The following KDM4B variants were observed in gnomAD, a reference collection of about 807,000 sequenced individuals.
The protein encoded by KDM4B is lysine demethylase 4B.
A neutral mutation model predicts 125.2 loss-of-function variants in KDM4B; 32 were observed. That is an observed-to-expected ratio of 0.26 (90% CI 0.19 to 0.34). The LOEUF (loss-of-function observed/expected upper bound fraction) is 0.34. Ranked by LOEUF, KDM4B falls within the 10% of genes least tolerant of loss-of-function variation. The pLI, the probability that KDM4B is intolerant of heterozygous loss-of-function variation, is 1.00. For missense variants in KDM4B, 1,190 were observed against 1,577.7 expected, an observed-to-expected ratio of 0.75 and a Z score of 4.16; for synonymous variants, 721 against 677.9, an observed-to-expected ratio of 1.06 and a Z score of -0.99.
intron 6 of KDM4B, among the ~76,000 whole-genome samples, chr19:5,067,098 TC>T (rs751262835): frequency 1.3e-5 from 2 of 152,022 alleles, no homozygotes; most frequent in Non-Finnish European, 2.9e-5. Flanking sequence ...CACCCCTCCC[TC>T]CCGAAGGCTC....
intron 1 of KDM4B, among the ~76,000 whole-genome samples, chr19:4,986,387 G>A (rs1467587984): frequency 6.6e-6 from 1 of 152,188 alleles, no homozygotes; most frequent in African/African-American, 2.4e-5. Context: ...GCCACTGAGC[G>A]CTGGCCGTGG....
intron 6 of KDM4B, among the ~76,000 whole-genome samples, chr19:5,067,146 C>T (rs1188635513): frequency 2.0e-5 from 3 of 152,164 alleles, no homozygotes; most frequent in Non-Finnish European, 4.4e-5. Context: ...TCTTCAGCCC[C>T]CGCCCAGACA....
chr19:5,132,017 G>C lies in KDM4B; in HGVS notation c.1906+10G>C, dbSNP rs751812036. The C allele has an allele frequency of 1.1e-5, 17 of 1,599,672 alleles. No individual in the cohort carries two copies. The South Asian group carries it at 1.9e-4, about 18-fold the overall frequency. ...GCCTCAAGTGACGAGGGTGAGTGGGGGGTCCCCAGGTCGGCTCTCATCAGC... is the reference window on the plus strand; with the variant it reads ...GCCTCAAGTGACGAGGGTGAGTGGGCGGTCCCCAGGTCGGCTCTCATCAGC... On this transcript the variant is annotated intron_variant, in intron 13 of 22. Coordinates refer to ENST00000159111, the MANE Select transcript of KDM4B (RefSeq NM_015015.3).
chr19:5,092,806 C>T (rs1568293673), intron 9 of KDM4B, among the ~76,000 whole-genome samples: 1 of 152,186 alleles, frequency 6.6e-6, no homozygotes, highest in Admixed American at 6.5e-5. Flanking sequence ...TGGAGTTCTC[C>T]CCTCTGCCAT....
At chr19:5,050,477 G>A (rs2037185386) in intron 6 of KDM4B, among the ~76,000 whole-genome samples, 2 of 152,230 alleles carry the variant, frequency 1.3e-5, no homozygotes, top group South Asian at 4.1e-4. Flanking sequence ...GGTGTGGGGA[G>A]GGTCCGAGCT....
At chr19:5,061,490 C>T (rs1423838043) in intron 6 of KDM4B, among the ~76,000 whole-genome samples, 1 of 152,190 alleles carries the variant, frequency 6.6e-6, no homozygotes, top group Non-Finnish European at 1.5e-5. Context: ...TAGTATCTGC[C>T]ACATAAAGGA....
At position 5,040,474 on chromosome 19, in the gene KDM4B, C is replaced by T. The variant is rs537710583; in HGVS notation, c.317+463C>T. ...GGCACACACGGGTACACATGGCACA[C>T]GCACGTTTCTACACAGGGACACACA... On this transcript the variant is annotated intron_variant, in intron 4 of 22. Transcript: ENST00000159111. Among the ~76,000 whole-genome samples, 169 of 152,208 alleles carry T rather than the reference C, an allele frequency of 1.1e-3. 1 individual carries two copies. Among genetic ancestry groups the T allele is most frequent in the African/African-American group, 3.5e-3 (146 of 41,542 alleles).
intron 2 of KDM4B, among the ~76,000 whole-genome samples, chr19:5,019,326 G>A (rs1486413220): frequency 1.5e-5 from 2 of 134,594 alleles, no homozygotes; most frequent in Admixed American, 7.6e-5. Flanking sequence ...GTGGACGTTG[G>A]CGTGCAGGTG....
At chr19:4,984,688 C>G (rs1185875463) in intron 1 of KDM4B, among the ~76,000 whole-genome samples, 1 of 152,168 alleles carries the variant, frequency 6.6e-6, no homozygotes, top group Non-Finnish European at 1.5e-5. Context: ...CTCGGGAGGG[C>G]TTGGGGTGTG....
At chr19:5,024,941 T>C (rs903845143) in intron 2 of KDM4B, among the ~76,000 whole-genome samples, 6 of 152,202 alleles carry the variant, frequency 3.9e-5, no homozygotes, top group Non-Finnish European at 7.3e-5. Context: ...AGAGCGAGAC[T>C]CCGTCTCAAA....
chr19:5,137,723 C>G, intron 17 of KDM4B, 47 bp downstream of exon 17: 1 of 1,514,934 alleles, frequency 6.6e-7, no homozygotes, highest in Non-Finnish European at 8.9e-7. Context: ...GGGGAGCCTG[C>G]CCTGGGCTGA....
At chr19:5,006,553 C>T (rs1443759344) in intron 1 of KDM4B, among the ~76,000 whole-genome samples, 1 of 152,040 alleles carries the variant, frequency 6.6e-6, no homozygotes, top group East Asian at 1.9e-4. Flanking sequence ...CAGGTGGATC[C>T]CCTGAGGTCA....
At chr19:4,990,330 G>A (rs1429245773) in intron 1 of KDM4B, among the ~76,000 whole-genome samples, 1 of 152,182 alleles carries the variant, frequency 6.6e-6, no homozygotes, top group Non-Finnish European at 1.5e-5. Flanking sequence ...TGTTAGAGCA[G>A]TTCACTTCCA....
rs892131179 is a variant in KDM4B at position 5,036,078 on chromosome 19, T to G, written c.141+3047T>G. Among the ~76,000 whole-genome samples, 17 of 152,138 alleles carry G rather than the reference T, an allele frequency of 1.1e-4. No individual in the cohort carries two copies. The South Asian group carries it at 2.3e-3, about 20-fold the overall frequency. ...CCTGGGCAGCCCTGCGTCTTCCAAA[T>G]GGGGGGCCCTTGGCTCGGGGCAGCC... On this transcript the variant is annotated intron_variant, in intron 3 of 22. Coordinates refer to ENST00000159111, the MANE Select transcript of KDM4B (RefSeq NM_015015.3).
At chr19:5,001,354 C>T (rs1345068491) in intron 1 of KDM4B, among the ~76,000 whole-genome samples, 3 of 152,102 alleles carry the variant, frequency 2.0e-5, no homozygotes, top group African/African-American at 2.4e-5. Flanking sequence ...GTGAAAGTGG[C>T]GCTGTGCTCT....
rs906167879 is a variant in KDM4B at position 4,988,277 on chromosome 19, CT to C, written c.-109+19056del. Among the ~76,000 whole-genome samples, 5 of 151,890 alleles carry C rather than the reference CT, an allele frequency of 3.3e-5. No individual in the cohort carries two copies. In the East Asian group the frequency reaches 7.7e-4, roughly 24 times the overall value. On this transcript the variant is annotated intron_variant, in intron 1 of 22. Coordinates refer to ENST00000159111, the MANE Select transcript of KDM4B (RefSeq NM_015015.3). ...GAAACCAGCCTTCTCATGAACCCTTCTTTTTTTTTCTTTTTTGAGACGGAGT... is the reference window on the plus strand; with the variant it reads ...GAAACCAGCCTTCTCATGAACCCTTCTTTTTTTTCTTTTTTGAGACGGAGT...
At chr19:4,989,303 TTTTCTG>T (rs1364591844) in intron 1 of KDM4B, among the ~76,000 whole-genome samples, 1 of 152,164 alleles carries the variant, frequency 6.6e-6, no homozygotes, top group Non-Finnish European at 1.5e-5. Flanking sequence ...TTCCTTTCTT[TTTTCTG>T]TTTCTGTTTC....
At chr19:5,006,323 G>A (rs2035558216) in intron 1 of KDM4B, among the ~76,000 whole-genome samples, 2 of 152,054 alleles carry the variant, frequency 1.3e-5, no homozygotes, top group Admixed American at 1.3e-4. Flanking sequence ...CTGTTTCCCC[G>A]CAGCCCACGG....
At position 4,995,179 on chromosome 19, in the gene KDM4B, C is replaced by T. The variant is rs116538733; in HGVS notation, c.-108-21078C>T. Among the ~76,000 whole-genome samples, 690 of 152,276 alleles carry T rather than the reference C, an allele frequency of 4.5e-3. 10 individuals carry two copies. The highest frequency in any genetic ancestry group is 0.015 in the African/African-American group (632 of 41,550). On this transcript the variant is annotated intron_variant, in intron 1 of 22. Transcript: ENST00000159111. ...TCGGGAGCAGGGCTTGGGAAGGACA[C>T]CAGCTCCCCTGTCATCCCTCTCCTT...
Sources: allele counts gnomAD v4.1 joint callset (sites outside exome capture counted in the v4.1 genomes callset), GRCh38; gene constraint gnomAD v4.1.1; transcripts MANE v1.5; gene names NCBI Gene and HGNC (gene_info 2026-07-23, HGNC 2026-07-21).